SLC24A3: variants seen among roughly 807,000 people sequenced by gnomAD.
SLC24A3 encodes solute carrier family 24 member 3.
Under a neutral mutation model 75.8 loss-of-function variants are expected in SLC24A3, and 28 were observed. That is an observed-to-expected ratio of 0.37 (90% CI 0.27 to 0.51). The LOEUF (loss-of-function observed/expected upper bound fraction) is 0.51. Ranked by LOEUF, SLC24A3 falls within the 20% of genes least tolerant of loss-of-function variation. The pLI, the probability that SLC24A3 is intolerant of heterozygous loss-of-function variation, is 0.94. For synonymous variants in SLC24A3, 372 were observed against 334.1 expected (o/e 1.11, Z -1.24); for missense variants, 663 against 847.8 (o/e 0.78, Z 2.71).
intron 15 of SLC24A3, among the ~76,000 whole-genome samples, chr20:19,714,813 A>C (rs2033027308): frequency 6.6e-6 from 1 of 152,198 alleles, no homozygotes; most frequent in African/African-American, 2.4e-5. Context: ...TAAAGTTCAA[A>C]AGCTTTGGTT....
chr20:19,606,977 C>T (rs550451384), intron 6 of SLC24A3, among the ~76,000 whole-genome samples: 1 of 152,190 alleles, frequency 6.6e-6, no homozygotes, highest in Non-Finnish European at 1.5e-5. Context: ...CCTCAGGCCC[C>T]TCTGTGAATT....
chr20:19,598,373 G>A (rs1389378645), intron 6 of SLC24A3, among the ~76,000 whole-genome samples: 12 of 152,136 alleles, frequency 7.9e-5, no homozygotes, highest in Admixed American at 6.5e-4. Context: ...CAATGGGAGG[G>A]CTCATGTACC....
intron 2 of SLC24A3, among the ~76,000 whole-genome samples, chr20:19,328,411 G>A (rs1984920189): frequency 1.3e-5 from 2 of 152,288 alleles, no homozygotes; most frequent in African/African-American, 4.8e-5. Context: ...GGGCAAGAGT[G>A]GAAGGTGAAA....
intron 2 of SLC24A3, among the ~76,000 whole-genome samples, chr20:19,408,544 T>G (rs1485429609): frequency 6.6e-6 from 1 of 152,012 alleles, no homozygotes; most frequent in African/African-American, 2.4e-5. Context: ...TGCACACCAC[T>G]ACTCCCGGCT....
chr20:19,346,216 G>GTGTATATA lies in SLC24A3; in HGVS notation c.271+65130_271+65131insGTATATAT, dbSNP rs1568595783. Among the ~76,000 whole-genome samples the GTGTATATA allele has an allele frequency of 6.3e-4, 52 of 81,988 alleles. 7 individuals are homozygous for GTGTATATA. Among genetic ancestry groups the GTGTATATA allele is most frequent in the Non-Finnish European group, 1.0e-3 (44 of 42,898 alleles). The allele number at this position is 81,988 out of a possible 152,430, so 53.8% of individuals were successfully genotyped here. On this transcript the variant is annotated intron_variant, in intron 2 of 16. Coordinates refer to ENST00000328041, the MANE Select transcript of SLC24A3 (RefSeq NM_020689.4). ...TATATATATGGTATATATATATGGT[G>GTGTATATA]TATATGTATATATGGTATATATATA...
chr20:19,238,573 A>T (rs1366498631), intron 1 of SLC24A3, among the ~76,000 whole-genome samples: 1 of 152,206 alleles, frequency 6.6e-6, no homozygotes, highest in Non-Finnish European at 1.5e-5. Flanking sequence ...TTAAAGTGTA[A>T]CTTCGATTTT....
chr20:19,398,185 C>A (rs1986489985), intron 2 of SLC24A3, among the ~76,000 whole-genome samples: 1 of 152,066 alleles, frequency 6.6e-6, no homozygotes, highest in African/African-American at 2.4e-5. Context: ...AACTTAAAGG[C>A]TCTGTAACTT....
intron 1 of SLC24A3, among the ~76,000 whole-genome samples, chr20:19,272,414 G>A (rs1446977912): frequency 6.6e-6 from 1 of 152,238 alleles, no homozygotes; most frequent in Admixed American, 6.5e-5. Flanking sequence ...AAATAGGTAA[G>A]CACAGGCTGT....
chr20:19,578,012 T>C (rs1369901732), intron 3 of SLC24A3, among the ~76,000 whole-genome samples: 3 of 152,142 alleles, frequency 2.0e-5, no homozygotes, highest in Non-Finnish European at 4.4e-5. Flanking sequence ...ACCAAACATA[T>C]ATGTGAAAAG....
At chr20:19,719,992 G>C (rs766157642) in intron 16 of SLC24A3, among the ~76,000 whole-genome samples, 1 of 152,274 alleles carries the variant, frequency 6.6e-6, no homozygotes, top group East Asian at 1.9e-4. Context: ...TGGGAGCTGG[G>C]GAATCAGGCG....
intron 1 of SLC24A3, 95 bp downstream of exon 1, chr20:19,213,079 G>A: frequency 8.9e-7 from 1 of 1,125,780 alleles, no homozygotes; most frequent in Non-Finnish European, 1.1e-6. Context: ...CGGCCCGGCC[G>A]GAGCCCCAGG....
chr20:19,464,375 G>C (rs527532500), intron 2 of SLC24A3, among the ~76,000 whole-genome samples: 2 of 139,580 alleles, frequency 1.4e-5, no homozygotes, highest in Non-Finnish European at 3.2e-5. Context: ...ACACACATAC[G>C]TGCGCACACG....
At chr20:19,321,353 C>T (rs1984702384) in intron 2 of SLC24A3, among the ~76,000 whole-genome samples, 1 of 152,164 alleles carries the variant, frequency 6.6e-6, no homozygotes, top group Non-Finnish European at 1.5e-5. Flanking sequence ...AGCGATTACT[C>T]ATTATGGACT....
chr20:19,721,013 A>G lies in SLC24A3; in HGVS notation c.1808A>G (p.Lys603Arg). 1 of 1,613,762 alleles carries G rather than the reference A, an allele frequency of 6.2e-7. No homozygotes were observed. The highest frequency in any genetic ancestry group is 8.5e-7 in the Non-Finnish European group (1 of 1,179,932). The change falls in exon 17 of 17, where the codon AAG (lysine) becomes AGG (arginine). Residue 603 changes from lysine to arginine, a missense_variant. Physicochemically the swap from Lys to Arg is conservative, Grantham distance 26 (BLOSUM62 2). Coordinates refer to ENST00000328041, the MANE Select transcript of SLC24A3 (RefSeq NM_020689.4). ...FVTVFGVHLNKWQLDKKLGCG... is the reference protein window; with the variant it reads ...FVTVFGVHLNRWQLDKKLGCG... Reference sequence around the variant, plus strand: ...CAGGTGTTCGGCGTCCACCTGAACAAGTGGCAGCTGGACAAGAAGCTGGGC... The same window carrying G: ...CAGGTGTTCGGCGTCCACCTGAACAGGTGGCAGCTGGACAAGAAGCTGGGC...
intron 2 of SLC24A3, among the ~76,000 whole-genome samples, chr20:19,510,837 A>G (rs568834426): frequency 3.3e-5 from 5 of 152,308 alleles, no homozygotes; most frequent in African/African-American, 1.2e-4. Context: ...AGTCTACGGT[A>G]TTCTGTTGTA....
At chr20:19,377,552 A>G (rs1019231642) in intron 2 of SLC24A3, among the ~76,000 whole-genome samples, 3 of 152,166 alleles carry the variant, frequency 2.0e-5, no homozygotes, top group Non-Finnish European at 4.4e-5. Flanking sequence ...CTTTTGGGGT[A>G]ATGGGGTAAC....
At chr20:19,409,494 C>T (rs1986707878) in intron 2 of SLC24A3, among the ~76,000 whole-genome samples, 1 of 152,170 alleles carries the variant, frequency 6.6e-6, no homozygotes, top group African/African-American at 2.4e-5. Flanking sequence ...AGGTTCTGAG[C>T]ACCTTTGTGG....
chr20:19,664,580 A>G (rs2032375673), intron 7 of SLC24A3, among the ~76,000 whole-genome samples: 1 of 152,152 alleles, frequency 6.6e-6, no homozygotes, highest in South Asian at 2.1e-4. Flanking sequence ...CTACGTCTCT[A>G]CCCAGCTCAT....
chr20:19,327,560 C>A (rs1265618259), intron 2 of SLC24A3, among the ~76,000 whole-genome samples: 1 of 152,200 alleles, frequency 6.6e-6, no homozygotes, highest in Non-Finnish European at 1.5e-5. Context: ...CACATCTTTG[C>A]CTCAAGTGGA....
Sources: gnomAD v4.1 joint callset for allele counts (sites outside exome capture counted in the v4.1 genomes callset) on GRCh38, gnomAD v4.1.1 for gene constraint, MANE v1.5 for transcripts, NCBI Gene and HGNC (gene_info 2026-07-23, HGNC 2026-07-21) for gene names.